Variants in TAFA1 observed in about 807,000 individuals in gnomAD.
TAFA1 encodes TAFA chemokine like family member 1.
In TAFA1, 4 loss-of-function variants were observed where a neutral mutation model predicts 18.5. The ratio of observed to expected loss-of-function variants is 0.22; its 90% CI spans 0.11 to 0.49. The LOEUF (loss-of-function observed/expected upper bound fraction) is 0.49. TAFA1 is among the 20% of genes least tolerant of loss of function. TAFA1 has a pLI of 0.98. For missense variants in TAFA1, 147 were observed against 169.0 expected (o/e 0.87, Z 0.72); for synonymous variants, 56 against 55.2 (o/e 1.01, Z -0.06).
At chr3:68,148,182 GT>G (rs571495124) in intron 2 of TAFA1, among the ~76,000 whole-genome samples, 142 of 152,258 alleles carry the variant, frequency 9.3e-4, no homozygotes, top group African/African-American at 3.3e-3. Context: ...ATTACTTGTT[GT>G]TTTTTGACTA....
chr3:68,314,304 A>C (rs2068571117), intron 2 of TAFA1, among the ~76,000 whole-genome samples: 1 of 152,202 alleles, frequency 6.6e-6, no homozygotes, highest in Admixed American at 6.5e-5. Flanking sequence ...CCATAGAGTT[A>C]ATTGTATGTT....
chr3:68,370,498 A>AAG (rs1408315847), intron 2 of TAFA1, among the ~76,000 whole-genome samples: 1 of 64,070 alleles, frequency 1.6e-5, no homozygotes, highest in East Asian at 4.4e-4. Context: ...ATATATATAT[A>AAG]TATATATATA....
chr3:68,018,709 G>C (rs1425834086), intron 2 of TAFA1, among the ~76,000 whole-genome samples: 2 of 152,172 alleles, frequency 1.3e-5, no homozygotes, highest in African/African-American at 4.8e-5. Flanking sequence ...TTAAGCATTT[G>C]ATATTTCAGT....
chr3:67,991,838 G>A, the TAFA1 span, among the ~76,000 whole-genome samples: 1 of 152,162 alleles, frequency 6.6e-6, no homozygotes, highest in South Asian at 2.1e-4. Flanking sequence ...CTCCTCATAT[G>A]TCTATCTATG....
intron 2 of TAFA1, among the ~76,000 whole-genome samples, chr3:68,293,578 G>C (rs577472708): frequency 6.6e-6 from 1 of 152,294 alleles, no homozygotes; most frequent in African/African-American, 2.4e-5. Context: ...GTGATTAATA[G>C]TAGCATCTGC....
chr3:68,374,856 T>C (rs554976365), intron 2 of TAFA1, among the ~76,000 whole-genome samples: 6 of 152,296 alleles, frequency 3.9e-5, no homozygotes, highest in Admixed American at 2.6e-4. Context: ...TCAGACACTT[T>C]ATCTCTATAC....
intron 3 of TAFA1, among the ~76,000 whole-genome samples, chr3:68,435,043 T>C (rs2071246321): frequency 1.3e-5 from 2 of 152,048 alleles, no homozygotes; most frequent in Non-Finnish European, 2.9e-5. Context: ...CAAAGTTGTG[T>C]GATGTGTGCT....
intron 2 of TAFA1, among the ~76,000 whole-genome samples, chr3:68,095,382 G>T (rs572262151): frequency 6.6e-6 from 1 of 152,054 alleles, no homozygotes; most frequent in Admixed American, 6.6e-5. Flanking sequence ...CCCTTGCTTC[G>T]TGCTATTCAA....
intron 2 of TAFA1, among the ~76,000 whole-genome samples, chr3:68,120,213 CTTTCTTTCTTTCTTTCTTTCT>C (rs1559527599): frequency 1.6e-5 from 2 of 121,228 alleles, no homozygotes; most frequent in Non-Finnish European, 3.4e-5. Context: ...TTCTTTCTTT[CTTTCTTTCTTTCTTTCTTTCT>C]TTCTTTCTTT....
At chr3:68,203,338 T>A (rs1281033539) in intron 2 of TAFA1, among the ~76,000 whole-genome samples, 2 of 151,774 alleles carry the variant, frequency 1.3e-5, no homozygotes, top group East Asian at 3.9e-4. Flanking sequence ...TGGTTTGGTG[T>A]CTGACATTAA....
intron 3 of TAFA1, among the ~76,000 whole-genome samples, chr3:68,474,057 C>A (rs532445334): frequency 3.3e-4 from 49 of 149,482 alleles, no homozygotes; most frequent in Admixed American, 4.0e-4. Context: ...TCACCCCCCC[C>A]CCCAAGTAAA....
chr3:68,331,003 A>G lies in TAFA1; in HGVS notation c.119-86277A>G, dbSNP rs140655369. On this transcript the variant is annotated intron_variant, in intron 2 of 4. Transcript: ENST00000478136. ...TTTTACAGAATGTTCACAGCAGCACAATTCACAATAGCTAAAAGGTGAAAC... is the reference window on the plus strand; with the variant it reads ...TTTTACAGAATGTTCACAGCAGCACGATTCACAATAGCTAAAAGGTGAAAC... Among the ~76,000 whole-genome samples, 43 of 152,300 alleles carry G rather than the reference A, an allele frequency of 2.8e-4. No homozygotes were observed. The South Asian group carries it at 5.0e-3, about 18-fold the overall frequency.
At chr3:68,134,524 T>G (rs1333891816) in intron 2 of TAFA1, among the ~76,000 whole-genome samples, 1 of 152,186 alleles carries the variant, frequency 6.6e-6, no homozygotes, top group Non-Finnish European at 1.5e-5. Context: ...GAACAGCTGG[T>G]TCTTACTGTC....
intron 2 of TAFA1, among the ~76,000 whole-genome samples, chr3:68,202,652 T>A (rs1258126070): frequency 6.6e-6 from 1 of 151,740 alleles, no homozygotes; most frequent in Non-Finnish European, 1.5e-5. Context: ...TACCACTTTA[T>A]GGGTACTGTG....
chr3:68,493,626 T>C (rs1359488578), intron 3 of TAFA1, among the ~76,000 whole-genome samples: 1 of 152,214 alleles, frequency 6.6e-6, no homozygotes, highest in Non-Finnish European at 1.5e-5. Flanking sequence ...TCAATTTCTA[T>C]ACATCCTCAC....
chr3:68,277,957 G>A (rs1003982961), intron 2 of TAFA1, among the ~76,000 whole-genome samples: 19 of 152,112 alleles, frequency 1.2e-4, no homozygotes, highest in African/African-American at 2.7e-4. Context: ...CTGTCCCATC[G>A]TAACATAGAT....
At chr3:68,532,830 A>T (rs574053742) in intron 3 of TAFA1, among the ~76,000 whole-genome samples, 87 of 151,744 alleles carry the variant, frequency 5.7e-4, no homozygotes, top group African/African-American at 2.0e-3. Context: ...TGCAGAAATA[A>T]AATGAGTTTA....
At chr3:68,235,024 T>G (rs1367690923) in intron 2 of TAFA1, among the ~76,000 whole-genome samples, 3 of 152,184 alleles carry the variant, frequency 2.0e-5, no homozygotes, top group Non-Finnish European at 4.4e-5. Context: ...CCACCTTGTA[T>G]GCACACACGT....
At chr3:68,379,042 G>A (rs2069876609) in intron 2 of TAFA1, among the ~76,000 whole-genome samples, 1 of 152,054 alleles carries the variant, frequency 6.6e-6, no homozygotes. Flanking sequence ...GAGATTGTTG[G>A]GTCAAATGTT....
Sources: gnomAD v4.1 joint callset for allele counts (sites outside exome capture counted in the v4.1 genomes callset) on GRCh38, gnomAD v4.1.1 for gene constraint, MANE v1.5 for transcripts, NCBI Gene and HGNC (gene_info 2026-07-23, HGNC 2026-07-21) for gene names.